Variants in PRIMA1 observed in about 807,000 individuals in gnomAD.
The protein encoded by PRIMA1 is proline-rich membrane anchor 1.
PRIMA1 carries 7 observed loss-of-function variants against 17.5 expected under a neutral mutation model. The observed-to-expected ratio is 0.40, with a 90% confidence interval of 0.23 to 0.75. The LOEUF is 0.75. Among genes scored for constraint, PRIMA1 ranks in the 30% least tolerant of loss-of-function variants. The pLI, the probability that PRIMA1 is intolerant of heterozygous loss-of-function variation, is 0.37. For synonymous variants in PRIMA1, 97 were observed against 77.9 expected, an observed-to-expected ratio of 1.25 and a Z score of -1.29; for missense variants, 200 against 201.8, an observed-to-expected ratio of 0.99 and a Z score of 0.05.
rs556401406 is a variant in PRIMA1, at chr14:93,740,187, C to A, written c.230-2817G>T. On this transcript the variant is annotated intron_variant, in intron 3 of 4. Coordinates refer to ENST00000393140, the MANE Select transcript of PRIMA1 (RefSeq NM_178013.4). ...CACCAGGCCTTTAGAAACCTCAACACTGAAAAGATACAGAATATAGCATTG... is the reference window on the plus strand; with the variant it reads ...CACCAGGCCTTTAGAAACCTCAACAATGAAAAGATACAGAATATAGCATTG... Among the ~76,000 whole-genome samples, 17 of 152,300 alleles carry A rather than the reference C, an allele frequency of 1.1e-4. 1 individual carries two copies. The South Asian group carries it at 3.5e-3, about 32-fold the overall frequency.
intron 3 of PRIMA1, among the ~76,000 whole-genome samples, chr14:93,776,010 C>A (rs1221886009): frequency 6.6e-6 from 1 of 152,218 alleles, no homozygotes; most frequent in Admixed American, 6.5e-5. Context: ...TCAGGACTTC[C>A]CTCGGACTAC....
chr14:93,785,592 C>T (rs1275674324), intron 2 of PRIMA1, among the ~76,000 whole-genome samples: 3 of 152,164 alleles, frequency 2.0e-5, no homozygotes, highest in Non-Finnish European at 4.4e-5. Context: ...ATTTTATTTT[C>T]CCCACTTAAA....
At chr14:93,727,136 C>T (rs1595189730) in intron 4 of PRIMA1, among the ~76,000 whole-genome samples, 1 of 152,186 alleles carries the variant, frequency 6.6e-6, no homozygotes, top group Non-Finnish European at 1.5e-5. Flanking sequence ...AGCGTCCTCA[C>T]AGCCAGTGGG....
At chr14:93,730,256 G>T (rs187950435) in intron 4 of PRIMA1, among the ~76,000 whole-genome samples, 129 of 152,358 alleles carry the variant, frequency 8.5e-4, no homozygotes, top group Non-Finnish European at 1.5e-3. Flanking sequence ...TCGCAAGGGT[G>T]TGGGCACACG....
chr14:93,774,211 A>T (rs1885144262), intron 3 of PRIMA1, among the ~76,000 whole-genome samples: 1 of 152,238 alleles, frequency 6.6e-6, no homozygotes, highest in Non-Finnish European at 1.5e-5. Context: ...GTGGCCCAGC[A>T]GTGGGGTGAC....
At chr14:93,787,414 C>T (rs968460722) in intron 2 of PRIMA1, among the ~76,000 whole-genome samples, 9 of 152,118 alleles carry the variant, frequency 5.9e-5, no homozygotes, top group African/African-American at 2.2e-4. Context: ...CCCGGTCCTG[C>T]AGGATTTAGG....
chr14:93,782,770 C>T (rs963117018), intron 2 of PRIMA1, among the ~76,000 whole-genome samples: 1 of 152,226 alleles, frequency 6.6e-6, no homozygotes, highest in African/African-American at 2.4e-5. Flanking sequence ...GCCCCCACTG[C>T]AGTGTCCTGA....
intron 1 of PRIMA1, 135 bp from the exon 2 acceptor site, chr14:93,787,884 CT>C: frequency 1.0e-6 from 1 of 965,534 alleles, no homozygotes; most frequent in Non-Finnish European, 1.5e-6. Flanking sequence ...CAAGCCTGCA[CT>C]TACACTCCAG....
intron 3 of PRIMA1, among the ~76,000 whole-genome samples, chr14:93,771,530 C>A (rs1272870484): frequency 1.6e-4 from 24 of 152,174 alleles, no homozygotes; most frequent in Non-Finnish European, 2.8e-4. Context: ...GGCCCCAGCC[C>A]TGGCTGACAG....
chr14:93,734,071 T>C (rs1419947281), intron 4 of PRIMA1, among the ~76,000 whole-genome samples: 1 of 152,164 alleles, frequency 6.6e-6, no homozygotes, highest in Non-Finnish European at 1.5e-5. Context: ...CCTCTTGTCA[T>C]TAAATATCTG....
At chr14:93,780,883 G>A (rs1226444203) in intron 2 of PRIMA1, among the ~76,000 whole-genome samples, 3 of 152,162 alleles carry the variant, frequency 2.0e-5, no homozygotes, top group Admixed American at 1.3e-4. Flanking sequence ...CGACAGCCAC[G>A]GTTGATTTCT....
chr14:93,761,908 C>T (rs1168960249), intron 3 of PRIMA1, among the ~76,000 whole-genome samples: 1 of 152,236 alleles, frequency 6.6e-6, no homozygotes, highest in Non-Finnish European at 1.5e-5. Flanking sequence ...CCAAGAGTGG[C>T]TCTTGCCTCC....
chr14:93,763,722 AG>A lies in PRIMA1; in HGVS notation c.229+15453del, dbSNP rs527436256. On this transcript the variant is annotated intron_variant, in intron 3 of 4. Coordinates refer to ENST00000393140, the MANE Select transcript of PRIMA1 (RefSeq NM_178013.4). ...CCTCAGCTCCTTCCCTTGGCTCACA[AG>A]GTCCCAGCACAGTTTTTGGCTCTTC... 2.0e-4 allele frequency among the ~76,000 whole-genome samples: 30 copies of A among 152,214 alleles called. 1 individual carries two copies. In the East Asian group the frequency reaches 5.8e-3, roughly 29 times the overall value.
At chr14:93,786,246 T>G (rs778934854) in intron 2 of PRIMA1, among the ~76,000 whole-genome samples, 1 of 152,214 alleles carries the variant, frequency 6.6e-6, no homozygotes, top group Non-Finnish European at 1.5e-5. Flanking sequence ...CAAAATCATG[T>G]TTCCTGAGGA....
At chr14:93,750,199 T>C (rs780914216) in intron 3 of PRIMA1, among the ~76,000 whole-genome samples, 14 of 151,830 alleles carry the variant, frequency 9.2e-5, no homozygotes, top group Non-Finnish European at 1.9e-4. Flanking sequence ...AAAAAAAAAT[T>C]TGCTGGGATA....
At chr14:93,768,808 T>C (rs952106542) in intron 3 of PRIMA1, among the ~76,000 whole-genome samples, 9 of 45,630 alleles carry the variant, frequency 2.0e-4, no homozygotes, top group South Asian at 6.2e-4. Flanking sequence ...TCACTTTTTT[T>C]CTTTTTTTTT....
chr14:93,788,950 G>C (rs2141202284), upstream of PRIMA1, among the ~76,000 whole-genome samples: 1 of 152,236 alleles, frequency 6.6e-6, no homozygotes. Context: ...GCTGGCCCGC[G>C]AGAGGCAGCG....
intron 4 of PRIMA1, among the ~76,000 whole-genome samples, chr14:93,731,164 G>A (rs1428046141): frequency 6.6e-6 from 1 of 152,216 alleles, no homozygotes; most frequent in Non-Finnish European, 1.5e-5. Flanking sequence ...CACTGAATAG[G>A]CACAGAATCC....
At chr14:93,782,018 A>G (rs961817781) in intron 2 of PRIMA1, among the ~76,000 whole-genome samples, 2 of 151,896 alleles carry the variant, frequency 1.3e-5, no homozygotes, top group African/African-American at 4.8e-5. Context: ...CTGTAATCCC[A>G]GCACTTTGGG....
Sources: allele counts gnomAD v4.1 joint callset (sites outside exome capture counted in the v4.1 genomes callset), GRCh38; gene constraint gnomAD v4.1.1; transcripts MANE v1.5; gene names NCBI Gene and HGNC (gene_info 2026-07-23, HGNC 2026-07-21).